MACROD2: variants seen among roughly 807,000 people sequenced by gnomAD.
The protein encoded by MACROD2 is ADP-ribose glycohydrolase MACROD2.
Under a neutral mutation model 70.4 loss-of-function variants are expected in MACROD2, and 36 were observed. The observed-to-expected ratio is 0.51, with a 90% CI of 0.39 to 0.68. The LOEUF (loss-of-function observed/expected upper bound fraction) is 0.68, where lower values mean the gene tolerates loss of function less well. Ranked by LOEUF, MACROD2 falls within the 30% of genes least tolerant of loss-of-function variation. The pLI is 0.00. For missense variants in MACROD2, 496 were observed against 538.4 expected, an observed-to-expected ratio of 0.92 and a Z score of 0.78; for synonymous variants, 172 against 178.8, an observed-to-expected ratio of 0.96 and a Z score of 0.30.
chr20:14,093,156 A>G (rs749240112), intron 3 of MACROD2, among the ~76,000 whole-genome samples: 4 of 152,130 alleles, frequency 2.6e-5, no homozygotes, highest in African/African-American at 9.7e-5. Flanking sequence ...TCATAGCTCA[A>G]TGCAGGCTTG....
At chr20:14,438,107 C>T (rs943074070) in intron 3 of MACROD2, among the ~76,000 whole-genome samples, 1 of 152,140 alleles carries the variant, frequency 6.6e-6, no homozygotes, top group Non-Finnish European at 1.5e-5. Flanking sequence ...ATTTCCTCCT[C>T]CCACCTCAAC....
chr20:15,239,101 A>C (rs1220779687), intron 6 of MACROD2, among the ~76,000 whole-genome samples: 1 of 152,072 alleles, frequency 6.6e-6, no homozygotes, highest in Non-Finnish European at 1.5e-5. Context: ...CAATTGGGCA[A>C]TTTTGGCATA....
In MACROD2 at chr20:14,136,549, C is replaced by G. The variant is rs966725407; in HGVS notation, c.271+50821C>G. 2.0e-5 allele frequency among the ~76,000 whole-genome samples: 3 copies of G among 152,072 alleles called. No individual in the cohort carries two copies. In the East Asian group the frequency reaches 5.8e-4, roughly 29 times the overall value. ...GGCAGCGGTTCTCCAAGTACGGTGC[C>G]TGGACCAGCAGCATTAGCACCACCT... On this transcript the variant is annotated intron_variant, in intron 3 of 17. Transcript: ENST00000684519.
chr20:15,616,271 T>G (rs955407157), intron 8 of MACROD2, among the ~76,000 whole-genome samples: 2 of 151,954 alleles, frequency 1.3e-5, no homozygotes, highest in African/African-American at 4.8e-5. Flanking sequence ...ACCCAGCTAA[T>G]TTTTGTATTT....
chr20:15,084,704 A>AT (rs1485445515), intron 5 of MACROD2, among the ~76,000 whole-genome samples: 4 of 152,062 alleles, frequency 2.6e-5, no homozygotes, highest in African/African-American at 7.2e-5. Context: ...GAAAAAAGTT[A>AT]TTTTTTTCTT....
intron 4 of MACROD2, among the ~76,000 whole-genome samples, chr20:14,609,822 G>A (rs6042817): frequency 0.49 from 73,765 of 151,864 alleles, 19,839 homozygotes; most frequent in African/African-American, 0.73. Flanking sequence ...GTCATGGGCT[G>A]TGGGACAGAA....
intron 5 of MACROD2, among the ~76,000 whole-genome samples, chr20:15,154,238 C>T (rs998131815): frequency 6.6e-6 from 1 of 152,138 alleles, no homozygotes; most frequent in Non-Finnish European, 1.5e-5. Flanking sequence ...TCATCTTATC[C>T]CTGCAACTCA....
chr20:15,496,449 G>A (rs1272520076), intron 7 of MACROD2, among the ~76,000 whole-genome samples: 1 of 152,158 alleles, frequency 6.6e-6, no homozygotes, highest in Non-Finnish European at 1.5e-5. Flanking sequence ...ATGCTCTGAT[G>A]AATATGAGAG....
chr20:15,908,470 T>C (rs971648256), intron 10 of MACROD2, among the ~76,000 whole-genome samples: 1 of 152,202 alleles, frequency 6.6e-6, no homozygotes, highest in Non-Finnish European at 1.5e-5. Context: ...TGCCCACATC[T>C]TTTAAAATAT....
At chr20:14,498,762 G>T (rs2123117297) in intron 4 of MACROD2, among the ~76,000 whole-genome samples, 1 of 152,288 alleles carries the variant, frequency 6.6e-6, no homozygotes, top group South Asian at 2.1e-4. Context: ...GTGTTTAAGA[G>T]GGAATGATTT....
intron 3 of MACROD2, among the ~76,000 whole-genome samples, chr20:14,143,188 A>G (rs1471777198): frequency 1.3e-5 from 2 of 152,216 alleles, no homozygotes; most frequent in African/African-American, 4.8e-5. Flanking sequence ...ATTGTTTTCA[A>G]TATATGTATT....
intron 5 of MACROD2, among the ~76,000 whole-genome samples, chr20:15,121,075 A>G (rs761969440): frequency 4.6e-5 from 7 of 152,062 alleles, no homozygotes; most frequent in East Asian, 3.9e-4. Flanking sequence ...CTGTTTGTCA[A>G]TTCCATTTGA....
intron 3 of MACROD2, among the ~76,000 whole-genome samples, chr20:14,461,801 C>T (rs1184051461): frequency 6.6e-6 from 1 of 151,876 alleles, no homozygotes; most frequent in African/African-American, 2.4e-5. Flanking sequence ...TGAGGGTTTC[C>T]AGCTTCATCC....
intron 5 of MACROD2, among the ~76,000 whole-genome samples, chr20:14,972,193 C>T (rs1490111112): frequency 1.3e-5 from 2 of 152,236 alleles, no homozygotes; most frequent in Non-Finnish European, 2.9e-5. Flanking sequence ...TGCCATAGTG[C>T]TCTTTCTACT....
intron 8 of MACROD2, among the ~76,000 whole-genome samples, chr20:15,639,042 A>G (rs2049413434): frequency 6.6e-6 from 1 of 152,124 alleles, no homozygotes; most frequent in African/African-American, 2.4e-5. Flanking sequence ...TTTAACAGAG[A>G]CAGCAACAGC....
At chr20:14,175,093 G>A (rs1392070908) in intron 3 of MACROD2, among the ~76,000 whole-genome samples, 2 of 152,176 alleles carry the variant, frequency 1.3e-5, no homozygotes, top group East Asian at 3.9e-4. Context: ...GGATTCTCTT[G>A]GTTTTCCTGG....
At chr20:14,008,055 C>T (rs186924215) in intron 2 of MACROD2, among the ~76,000 whole-genome samples, 4 of 152,184 alleles carry the variant, frequency 2.6e-5, no homozygotes, top group Admixed American at 6.5e-5. Flanking sequence ...CCCTTGAAAA[C>T]GAACACAAGA....
chr20:15,185,995 C>T (rs1028933590), intron 5 of MACROD2, among the ~76,000 whole-genome samples: 2 of 152,096 alleles, frequency 1.3e-5, no homozygotes, highest in Non-Finnish European at 2.9e-5. Context: ...CCATTTATGT[C>T]AACAAAAGAC....
intron 8 of MACROD2, among the ~76,000 whole-genome samples, chr20:15,545,018 C>A (rs1353697671): frequency 6.6e-6 from 1 of 152,174 alleles, no homozygotes; most frequent in Non-Finnish European, 1.5e-5. Flanking sequence ...TAAATGTTTT[C>A]ATTTAGAAGC....
Sources: allele counts gnomAD v4.1 joint callset (sites outside exome capture counted in the v4.1 genomes callset), GRCh38; gene constraint gnomAD v4.1.1; transcripts MANE v1.5; gene names NCBI Gene and HGNC (gene_info 2026-07-23, HGNC 2026-07-21).